Variants in DOCK9 observed in about 807,000 individuals in gnomAD.
DOCK9 encodes dedicator of cytokinesis 9.
Under a neutral mutation model 263.3 loss-of-function variants are expected in DOCK9, and 89 were observed. The ratio of observed to expected loss-of-function variants is 0.34; its 90% CI spans 0.28 to 0.40. DOCK9 has a LOEUF of 0.40. DOCK9 is among the 10% of genes least tolerant of loss of function. DOCK9 has a pLI of 1.00. For synonymous variants in DOCK9, 976 were observed against 973.1 expected (o/e 1.00, Z -0.06); for missense variants, 2,140 against 2,603.4 (o/e 0.82, Z 3.87).
At chr13:98,949,497 T>C (rs2057143933) in intron 2 of DOCK9, among the ~76,000 whole-genome samples, 1 of 152,142 alleles carries the variant, frequency 6.6e-6, no homozygotes, top group Admixed American at 6.5e-5. Flanking sequence ...TGATTTCAGA[T>C]GAGGGGGCAG....
chr13:98,847,796 A>G (rs776996330), intron 37 of DOCK9: 1 of 152,252 alleles, frequency 6.6e-6, no homozygotes, highest in African/African-American at 2.4e-5. Flanking sequence ...AAAATATAAT[A>G]CTTAGACCAA....
At chr13:98,902,856 A>G (rs1397890801) in intron 11 of DOCK9, 116 bp downstream of exon 11, 1 of 1,025,608 alleles carries the variant, frequency 9.8e-7, no homozygotes, top group East Asian at 2.7e-5. Flanking sequence ...TGATCCAAAC[A>G]CTGCACCTCT....
At chr13:98,944,770 G>A (rs576162232) in intron 2 of DOCK9, among the ~76,000 whole-genome samples, 44 of 152,290 alleles carry the variant, frequency 2.9e-4, no homozygotes, top group Middle Eastern at 3.4e-3. Flanking sequence ...AAGGACAGCG[G>A]GGTCATGACC....
intron 1 of DOCK9, among the ~76,000 whole-genome samples, chr13:99,070,396 TA>T (rs2041617899): frequency 1.3e-5 from 2 of 152,222 alleles, no homozygotes; most frequent in Non-Finnish European, 2.9e-5. Flanking sequence ...TTCCTTCCAA[TA>T]TTTTTCTTAA....
intron 9 of DOCK9, among the ~76,000 whole-genome samples, chr13:98,906,843 C>T (rs2139639949): frequency 1.3e-5 from 2 of 152,266 alleles, no homozygotes; most frequent in African/African-American, 4.8e-5. Flanking sequence ...AATTAAGTAG[C>T]TGTGCAAGCT....
chr13:98,844,529 G>A (rs2093331300), intron 38 of DOCK9, among the ~76,000 whole-genome samples: 1 of 151,952 alleles, frequency 6.6e-6, no homozygotes, highest in South Asian at 2.1e-4. Flanking sequence ...AGCCTGACTA[G>A]TTTTTGTATT....
chr13:99,069,025 G>A (rs990093139), intron 1 of DOCK9, among the ~76,000 whole-genome samples: 1 of 152,158 alleles, frequency 6.6e-6, no homozygotes. Flanking sequence ...GAACCAAATT[G>A]TCATTTACAG....
At chr13:98,957,624 T>C (rs1487069202) in intron 1 of DOCK9, among the ~76,000 whole-genome samples, 1 of 151,164 alleles carries the variant, frequency 6.6e-6, no homozygotes, top group East Asian at 1.9e-4. Context: ...TTTTTCAAAA[T>C]ATTTTAATTA....
chr13:99,079,119 T>C (rs142892296), intron 1 of DOCK9, among the ~76,000 whole-genome samples: 2 of 152,362 alleles, frequency 1.3e-5, no homozygotes, highest in East Asian at 3.9e-4. Context: ...CTTATGTCCA[T>C]GTGAATGCGG....
At chr13:98,985,618 A>AGG (rs1201199447) in intron 1 of DOCK9, among the ~76,000 whole-genome samples, 2 of 152,248 alleles carry the variant, frequency 1.3e-5, no homozygotes, top group Non-Finnish European at 2.9e-5. Flanking sequence ...CGTGATAACA[A>AGG]TAATTCAGTT....
At position 98,895,297 on chromosome 13, in the gene DOCK9, A is replaced by G. The variant is rs974476095; in HGVS notation, c.1709+2191T>C. 5.3e-5 allele frequency among the ~76,000 whole-genome samples: 8 copies of G among 152,256 alleles called. No individual in the cohort carries two copies. In the East Asian group the frequency reaches 5.8e-4, roughly 11 times the overall value. On this transcript the variant is annotated intron_variant, in intron 15 of 52. Coordinates refer to ENST00000682017, the MANE Select transcript of DOCK9 (RefSeq NM_001366683.2). ...AAATACTTGAGTTGTGCAGGGAAAT[A>G]TTACATATTTAGTATGATCATAGCT...
At chr13:98,813,219 T>C (rs1479771884) in intron 45 of DOCK9, among the ~76,000 whole-genome samples, 1 of 152,244 alleles carries the variant, frequency 6.6e-6, no homozygotes, top group African/African-American at 2.4e-5. Flanking sequence ...TTCTTTTTCT[T>C]GCCTTACTAC....
intron 1 of DOCK9, among the ~76,000 whole-genome samples, chr13:98,965,271 A>G (rs2059080087): frequency 6.6e-6 from 1 of 152,130 alleles, no homozygotes; most frequent in African/African-American, 2.4e-5. Flanking sequence ...TTCTGTCCCT[A>G]ACTCAGGACA....
At chr13:98,814,808 G>A (rs994584626) in intron 45 of DOCK9, among the ~76,000 whole-genome samples, 1 of 152,066 alleles carries the variant, frequency 6.6e-6, no homozygotes, top group Non-Finnish European at 1.5e-5. Context: ...GGGCATGGTA[G>A]TGCATGCCTG....
At chr13:98,809,030 A>G in intron 47 of DOCK9, 2 of 1,449,918 alleles carry the variant, frequency 1.4e-6, no homozygotes, top group South Asian at 2.8e-5. Context: ...TAATAACTAG[A>G]CAGATAAACA....
chr13:99,019,037 G>C (rs559624929), intron 1 of DOCK9, among the ~76,000 whole-genome samples: 11 of 152,220 alleles, frequency 7.2e-5, no homozygotes, highest in South Asian at 2.1e-4. Context: ...CCACACAATG[G>C]AGTATCATTC....
intron 1 of DOCK9, among the ~76,000 whole-genome samples, chr13:98,972,890 A>G (rs1406211966): frequency 6.6e-6 from 1 of 152,150 alleles, no homozygotes; most frequent in Non-Finnish European, 1.5e-5. Flanking sequence ...GAGGGTTTTG[A>G]TCTTATTTGC....
At chr13:98,938,700 A>C (rs2055310119) in intron 2 of DOCK9, among the ~76,000 whole-genome samples, 1 of 98,236 alleles carries the variant, frequency 1.0e-5, no homozygotes, top group Non-Finnish European at 2.4e-5. Context: ...CTCTCAACTC[A>C]TGGCACTGGA....
chr13:98,816,085 A>G (rs2091817843), intron 45 of DOCK9, among the ~76,000 whole-genome samples: 1 of 152,190 alleles, frequency 6.6e-6, no homozygotes, highest in African/African-American at 2.4e-5. Context: ...TCAAGCATCT[A>G]CTACATGCAA....
Sources: gnomAD v4.1 joint callset for allele counts (sites outside exome capture counted in the v4.1 genomes callset) on GRCh38, gnomAD v4.1.1 for gene constraint, MANE v1.5 for transcripts, NCBI Gene and HGNC (gene_info 2026-07-23, HGNC 2026-07-21) for gene names.